Variants in CHODL observed in about 807,000 individuals in gnomAD.
CHODL encodes the protein transmembrane protein MT75.
CHODL carries 29 observed loss-of-function variants against 34.5 expected under a neutral mutation model. That is an observed-to-expected ratio of 0.84 (90% CI 0.63 to 1.15). The LOEUF (loss-of-function observed/expected upper bound fraction) is 1.15, where lower values mean the gene tolerates loss of function less well. Ranked by LOEUF, CHODL falls within the 50% of genes most tolerant of loss-of-function variation. The pLI is 0.00. For synonymous variants in CHODL, 125 were observed against 116.1 expected, an observed-to-expected ratio of 1.08 and a Z score of -0.49; for missense variants, 332 against 332.5, an observed-to-expected ratio of 1.00 and a Z score of 0.01.
At position 18,260,236 on chromosome 21, in the gene CHODL, T is replaced by G. The variant is rs2074364341; in HGVS notation, c.584T>G (p.Leu195Arg). Residue 195 changes from leucine (L) to arginine (R), a missense_variant, in exon 4 of 6, where the codon CTT (leucine) becomes CGT (arginine). Physicochemically the swap from Leu to Arg is moderately radical, Grantham distance 102 (BLOSUM62 -2). Transcript: ENST00000299295. ...NPTAPVEKPY[L>R]TNQPGDTHQN... is the part of the protein sequence containing the mutation. ...ACAGCCCCTGTAGAAAAGCCTTATC[T>G]TACAAATCAACCAGGAGACACCCAT... is the stretch of plus-strand genomic sequence containing the variant. The G allele has an allele frequency of 6.3e-7, 1 of 1,582,804 alleles. No individual in the cohort carries two copies. The highest frequency in any genetic ancestry group is 1.4e-5 in the African/African-American group (1 of 72,966).
At chr21:17,943,389 C>T (rs144461847) in intron 1 of CHODL, among the ~76,000 whole-genome samples, 1 of 152,310 alleles carries the variant, frequency 6.6e-6, no homozygotes, top group East Asian at 1.9e-4. Context: ...CCCACAGTTG[C>T]ATAGGCCAAT....
chr21:18,198,238 A>G (rs2073611220), intron 2 of CHODL, among the ~76,000 whole-genome samples: 1 of 152,202 alleles, frequency 6.6e-6, no homozygotes. Context: ...TGGATGCCTT[A>G]CATTCTGTTA....
intron 2 of CHODL, among the ~76,000 whole-genome samples, chr21:18,138,114 A>G (rs1442788221): frequency 6.6e-6 from 1 of 150,772 alleles, no homozygotes; most frequent in Non-Finnish European, 1.5e-5. Flanking sequence ...TTATTAAAAC[A>G]TTATTTTTTA....
At chr21:18,000,784 G>A (rs1026315089) in intron 1 of CHODL, among the ~76,000 whole-genome samples, 1 of 152,146 alleles carries the variant, frequency 6.6e-6, no homozygotes, top group African/African-American at 2.4e-5. Context: ...CCTGCTGACA[G>A]CACTGTGATA....
intron 2 of CHODL, among the ~76,000 whole-genome samples, chr21:18,148,020 G>T (rs2072917472): frequency 6.6e-6 from 1 of 152,142 alleles, no homozygotes; most frequent in Non-Finnish European, 1.5e-5. Context: ...TTTATGTTAT[G>T]TGGGAGAAGT....
chr21:18,129,964 A>C (rs755838924), intron 2 of CHODL, among the ~76,000 whole-genome samples: 1 of 152,004 alleles, frequency 6.6e-6, no homozygotes, highest in South Asian at 2.1e-4. Context: ...AAAAGAAACT[A>C]TATCTGTATG....
intron 1 of CHODL, among the ~76,000 whole-genome samples, chr21:17,941,540 G>A (rs1185757096): frequency 6.8e-6 from 1 of 148,056 alleles, no homozygotes; most frequent in Non-Finnish European, 1.5e-5. Context: ...AGGGAACATT[G>A]ACTAGTATTT....
intron 2 of CHODL, among the ~76,000 whole-genome samples, chr21:18,216,914 C>A (rs985689915): frequency 6.6e-6 from 1 of 152,156 alleles, no homozygotes; most frequent in Non-Finnish European, 1.5e-5. Context: ...AGGTTCCTCC[C>A]ATGACACGTG....
At chr21:18,102,813 T>C (rs1489328951) in intron 2 of CHODL, among the ~76,000 whole-genome samples, 4 of 152,204 alleles carry the variant, frequency 2.6e-5, no homozygotes, top group Non-Finnish European at 5.9e-5. Context: ...TAGCACTCTT[T>C]AGTACAGGAA....
At chr21:18,193,569 G>T (rs1471589973) in intron 2 of CHODL, among the ~76,000 whole-genome samples, 3 of 151,686 alleles carry the variant, frequency 2.0e-5, no homozygotes, top group Non-Finnish European at 4.4e-5. Flanking sequence ...GGTGGCCCAT[G>T]CCTGTAATCC....
chr21:18,061,018 A>G (rs1359657023), intron 2 of CHODL, among the ~76,000 whole-genome samples: 5 of 152,214 alleles, frequency 3.3e-5, no homozygotes, highest in African/African-American at 4.8e-5. Context: ...AATGACCAAA[A>G]GAAGTGAGGC....
Position 18,266,296 on chromosome 21 carries a change from G to A in CHODL, c.*258G>A. The A allele has an allele frequency of 9.0e-7, 1 of 1,112,750 alleles. No individual in the cohort carries two copies. Among genetic ancestry groups the A allele is most frequent in the Non-Finnish European group, 1.2e-6 (1 of 805,400 alleles). The allele number at this position is 1,112,750 out of a possible 1,614,324, so 68.9% of individuals were successfully genotyped here. On this transcript the variant is annotated 3_prime_UTR_variant, in exon 6 of 6. Transcript: ENST00000299295. The stretch of plus-strand genomic sequence containing the variant: ...CTTCAAACTTCAAGCAAATGAAATG[G>A]ACAATGCAGATAAAGTTGTTATCAA...
chr21:18,176,766 G>A (rs1213608599), intron 2 of CHODL, among the ~76,000 whole-genome samples: 1 of 152,086 alleles, frequency 6.6e-6, no homozygotes, highest in African/African-American at 2.4e-5. Context: ...TTGAAATGGA[G>A]GAATGTTATG....
chr21:18,149,663 T>G (rs994330679), intron 2 of CHODL, among the ~76,000 whole-genome samples: 1 of 152,188 alleles, frequency 6.6e-6, no homozygotes, highest in Non-Finnish European at 1.5e-5. Context: ...TCAAAACATT[T>G]AAAGTTCCTT....
At chr21:18,003,394 A>G (rs2063929576) in intron 1 of CHODL, among the ~76,000 whole-genome samples, 1 of 149,074 alleles carries the variant, frequency 6.7e-6, no homozygotes, top group Non-Finnish European at 1.5e-5. Context: ...ACATTATTTT[A>G]TTTTATTAAT....
At position 18,260,696 on chromosome 21, in the gene CHODL, C is replaced by A. The variant is rs192531813; in HGVS notation, c.634+410C>A. On this transcript the variant is annotated intron_variant, in intron 4 of 5. Coordinates refer to ENST00000299295, the MANE Select transcript of CHODL (RefSeq NM_024944.3). ...TGGCGTGGAGGTACACACCTGCAGT[C>A]CCAGCTACTGGGAAGCTGAGGTGGG... Among the ~76,000 whole-genome samples, 33 of 152,180 alleles carry A rather than the reference C, an allele frequency of 2.2e-4. No individual in the cohort carries two copies. The East Asian group carries it at 2.9e-3, about 13-fold the overall frequency.
chr21:18,086,882 G>T (rs2065013963), intron 2 of CHODL, among the ~76,000 whole-genome samples: 1 of 152,200 alleles, frequency 6.6e-6, no homozygotes, highest in African/African-American at 2.4e-5. Context: ...AGCCAAGTGT[G>T]TGGGTGGGTT....
intron 2 of CHODL, among the ~76,000 whole-genome samples, chr21:18,136,105 CAAAAAAAAAAAAAGAAAAAG>C (rs1341743369): frequency 1.1e-4 from 10 of 89,468 alleles, no homozygotes; most frequent in Non-Finnish European, 1.9e-4. Flanking sequence ...GATTATGTCT[CAAAAAAAAAAAAAGAAAAAG>C]AAAAAAAAGA....
intron 2 of CHODL, among the ~76,000 whole-genome samples, chr21:18,227,892 A>G (rs543815134): frequency 6.6e-6 from 1 of 152,306 alleles, no homozygotes; most frequent in African/African-American, 2.4e-5. Context: ...TTGCTTTGCA[A>G]TAAATACAAA....
Sources: allele counts gnomAD v4.1 joint callset (sites outside exome capture counted in the v4.1 genomes callset), GRCh38; gene constraint gnomAD v4.1.1; transcripts MANE v1.5; gene names NCBI Gene and HGNC (gene_info 2026-07-23, HGNC 2026-07-21).